POU2AF2: variants seen among roughly 807,000 people sequenced by gnomAD.
POU2AF2 encodes the protein POU domain class 2-associating factor 2.
At chr11:111,249,048 CA>C in the POU2AF2 span, among the ~76,000 whole-genome samples, 1 of 152,062 alleles carries the variant, frequency 6.6e-6, no homozygotes, top group African/African-American at 2.4e-5. Flanking sequence ...TCCTACAGTG[CA>C]AAAAAACATC....
the POU2AF2 span, among the ~76,000 whole-genome samples, chr11:111,275,326 G>A: frequency 3.3e-5 from 5 of 152,340 alleles, no homozygotes; most frequent in Admixed American, 6.5e-5. Flanking sequence ...AGGGGCAGAA[G>A]TTGGCATGGG....
the POU2AF2 span, among the ~76,000 whole-genome samples, chr11:111,266,727 T>C: frequency 3.3e-5 from 5 of 152,226 alleles, no homozygotes; most frequent in Non-Finnish European, 7.3e-5. Context: ...TTTTAAAATA[T>C]ATTTCATGTA....
the POU2AF2 span, among the ~76,000 whole-genome samples, chr11:111,276,766 T>G: frequency 1.4e-5 from 2 of 142,396 alleles, no homozygotes; most frequent in African/African-American, 5.1e-5. Flanking sequence ...AAAAAAAAAC[T>G]ACAAAGTTAA....
the POU2AF2 span, among the ~76,000 whole-genome samples, chr11:111,255,393 T>C: frequency 1.3e-5 from 2 of 152,212 alleles, no homozygotes; most frequent in Non-Finnish European, 2.9e-5. Context: ...AATGAATGAT[T>C]CCTTATTTAT....
chr11:111,281,068 G>A, the POU2AF2 span, among the ~76,000 whole-genome samples: 1 of 152,160 alleles, frequency 6.6e-6, no homozygotes, highest in Non-Finnish European at 1.5e-5. Context: ...GGAGGCTACT[G>A]GATATGCGTA....
chr11:111,276,451 A>ATATATATATATATAT, the POU2AF2 span, among the ~76,000 whole-genome samples: 1 of 41,956 alleles, frequency 2.4e-5, no homozygotes, highest in African/African-American at 7.3e-5. Flanking sequence ...AAAAAAAAAA[A>ATATATATATATATAT]AAATATATAT....
At chr11:111,281,505 A>T in the POU2AF2 span, 8 of 1,549,272 alleles carry the variant, frequency 5.2e-6, no homozygotes, top group Non-Finnish European at 7.1e-6. Context: ...CTGGGCTTCC[A>T]TTCTTTCATA....
chr11:111,283,190 A>AT, the POU2AF2 span, among the ~76,000 whole-genome samples: 140 of 150,630 alleles, frequency 9.3e-4, no homozygotes, highest in African/African-American at 3.3e-3. Flanking sequence ...AGCAGCTGTG[A>AT]TTACAGGCAT....
the POU2AF2 span, among the ~76,000 whole-genome samples, chr11:111,275,032 C>T: frequency 1.3e-5 from 2 of 152,122 alleles, no homozygotes; most frequent in African/African-American, 4.8e-5. Context: ...ATAGCAATGG[C>T]CAACAGTGTG....
At chr11:111,260,754 C>T in the POU2AF2 span, among the ~76,000 whole-genome samples, 3 of 152,196 alleles carry the variant, frequency 2.0e-5, no homozygotes, top group Admixed American at 2.0e-4. Flanking sequence ...ATCAATGTTG[C>T]TAGTTTTAAC....
the POU2AF2 span, among the ~76,000 whole-genome samples, chr11:111,247,751 C>G: frequency 1.3e-5 from 2 of 151,950 alleles, no homozygotes; most frequent in Non-Finnish European, 2.9e-5. Flanking sequence ...CGTGCCACTG[C>G]ACTCCAGCCT....
the POU2AF2 span, among the ~76,000 whole-genome samples, chr11:111,269,520 T>G: frequency 6.6e-6 from 1 of 152,140 alleles, no homozygotes; most frequent in African/African-American, 2.4e-5. Context: ...TTCTGCAGGG[T>G]TTTTTTAATG....
chr11:111,251,842 G>T, the POU2AF2 span, among the ~76,000 whole-genome samples: 1 of 152,298 alleles, frequency 6.6e-6, no homozygotes, highest in South Asian at 2.1e-4. Context: ...ATATAGCCCC[G>T]TGCTTTGCAC....
chr11:111,279,671 G>C, the POU2AF2 span, among the ~76,000 whole-genome samples: 1 of 152,084 alleles, frequency 6.6e-6, no homozygotes, highest in South Asian at 2.1e-4. Context: ...AATTTAATAT[G>C]ACCTCATCTT....
chr11:111,273,095 C>G, the POU2AF2 span, among the ~76,000 whole-genome samples: 3 of 152,124 alleles, frequency 2.0e-5, no homozygotes, highest in Non-Finnish European at 4.4e-5. Context: ...TCAAACTTTT[C>G]AAAAGTAATA....
the POU2AF2 span, among the ~76,000 whole-genome samples, chr11:111,268,477 T>TTTTTATTTTATTTTATTTTA: frequency 2.1e-4 from 16 of 77,558 alleles, no homozygotes; most frequent in African/African-American, 4.5e-4. Flanking sequence ...CATTTTTCTT[T>TTTTTATTTTATTTTATTTTA]TTTTATTTTA....
chr11:111,263,427 CTTTTTTTTTTT>C, the POU2AF2 span, among the ~76,000 whole-genome samples: 1 of 96,146 alleles, frequency 1.0e-5, no homozygotes, highest in Non-Finnish European at 2.0e-5. Flanking sequence ...TACTGAAGTT[CTTTTTTTTTTT>C]TTTTTTTTTT....
the POU2AF2 span, chr11:111,255,911 C>G: frequency 2.5e-6 from 1 of 398,446 alleles, no homozygotes; most frequent in Non-Finnish European, 4.4e-6. Flanking sequence ...GATCAGCCCC[C>G]TAAACATGTC....
the POU2AF2 span, among the ~76,000 whole-genome samples, chr11:111,280,365 G>A: frequency 2.6e-5 from 4 of 152,038 alleles, no homozygotes; most frequent in Admixed American, 1.3e-4. Context: ...TACAGTAGGC[G>A]CCCCTTAGCC....
Sources: gnomAD v4.1 joint callset for allele counts (sites outside exome capture counted in the v4.1 genomes callset) on GRCh38, gnomAD v4.1.1 for gene constraint, MANE v1.5 for transcripts, NCBI Gene and HGNC (gene_info 2026-07-23, HGNC 2026-07-21) for gene names.